The following ZBTB20 variants were observed in gnomAD, a reference collection of about 807,000 sequenced individuals.
The protein encoded by ZBTB20 is zinc finger and BTB domain containing 20.
In ZBTB20, 9 loss-of-function variants were observed where a neutral mutation model predicts 56.9. That is an observed-to-expected ratio of 0.16 (90% CI 0.10 to 0.28). The LOEUF (loss-of-function observed/expected upper bound fraction) is 0.28. Ranked by LOEUF, ZBTB20 falls within the 10% of genes least tolerant of loss-of-function variation. ZBTB20 has a pLI of 1.00. For missense variants in ZBTB20, 655 were observed against 1,003.0 expected (o/e 0.65, Z 4.69); for synonymous variants, 417 against 420.7 (o/e 0.99, Z 0.11).
rs2079396002 is a variant in ZBTB20 at position 114,334,890 on chromosome 3, T to A, written c.*4115A>T. On this transcript the variant is annotated 3_prime_UTR_variant, in exon 12 of 12. Transcript: ENST00000675478. ...TGATACAGAGATTTTCATTTCAGAT[T>A]TTTTTTCTTTGCTTAGCTTGTTTCC... The A allele has an allele frequency of 6.6e-6, 1 of 152,178 alleles. No homozygotes were observed. The highest frequency in any genetic ancestry group is 1.5e-5 in the Non-Finnish European group (1 of 68,028). 9.4% of individuals were successfully genotyped at this position (152,178 alleles called of 1,614,324 possible). A position where few individuals can be genotyped will look rare whatever the true frequency, so the allele number is the denominator to read the frequency against.
chr3:115,016,019 G>C (rs1348322495), intron 2 of ZBTB20, among the ~76,000 whole-genome samples: 1 of 151,922 alleles, frequency 6.6e-6, no homozygotes, highest in African/African-American at 2.4e-5. Context: ...ATTCTGACTG[G>C]CATGAGATGG....
chr3:114,421,544 C>A (rs1040787333), intron 7 of ZBTB20, among the ~76,000 whole-genome samples: 4 of 152,126 alleles, frequency 2.6e-5, no homozygotes, highest in Non-Finnish European at 5.9e-5. Context: ...AGCCTAACAG[C>A]TTTTGAATCC....
At chr3:114,522,743 C>T (rs191808192) in intron 6 of ZBTB20, among the ~76,000 whole-genome samples, 42 of 152,204 alleles carry the variant, frequency 2.8e-4, no homozygotes, top group Non-Finnish European at 5.6e-4. Context: ...GAGAGAAATA[C>T]AGGTCTGGGA....
chr3:114,671,983 A>G lies in ZBTB20; in HGVS notation c.-295+21545T>C, dbSNP rs548891867. On this transcript the variant is annotated intron_variant, in intron 6 of 11. Transcript: ENST00000675478. Reference sequence around the variant, plus strand: ...AATCCCACAAGCGCCTCTAAACTCCACCATGGAATTCTCACACTTCTGAGT... The same window carrying G: ...AATCCCACAAGCGCCTCTAAACTCCGCCATGGAATTCTCACACTTCTGAGT... Among the ~76,000 whole-genome samples, 82 of 152,312 alleles carry G rather than the reference A, an allele frequency of 5.4e-4. 2 individuals carry two copies. The South Asian group carries it at 0.016, about 30-fold the overall frequency.
At chr3:114,843,704 TCTCA>T (rs1400028297) in intron 4 of ZBTB20, among the ~76,000 whole-genome samples, 1 of 151,658 alleles carries the variant, frequency 6.6e-6, no homozygotes, top group African/African-American at 2.4e-5. Flanking sequence ...TGAGACGGAG[TCTCA>T]CTCTGTCGCC....
At chr3:115,069,245 T>C (rs1258379234) in intron 2 of ZBTB20, among the ~76,000 whole-genome samples, 2 of 152,188 alleles carry the variant, frequency 1.3e-5, no homozygotes, top group Admixed American at 6.6e-5. Context: ...AGTGTTCTAC[T>C]ACCACACAAC....
In ZBTB20 at chr3:114,317,612, G is replaced by C. The variant is rs1352948959; in HGVS notation, c.*21393C>G. ...AAATGTTTGTGTTCAATGTTTAGGG[G>C]GAATGTGTTAAACAAAAGTTACTTC... On this transcript the variant is annotated 3_prime_UTR_variant, in exon 12 of 12. Transcript: ENST00000675478. The C allele has an allele frequency of 6.6e-6, 1 of 152,098 alleles. No individual in the cohort carries two copies. Among genetic ancestry groups the C allele is most frequent in the Non-Finnish European group, 1.5e-5 (1 of 68,016 alleles). 9.4% of individuals were successfully genotyped at this position (152,098 alleles called of 1,614,324 possible). A position where few individuals can be genotyped will look rare whatever the true frequency, so the allele number is the denominator to read the frequency against.
chr3:114,481,912 C>T (rs1417035192), intron 7 of ZBTB20, among the ~76,000 whole-genome samples: 9 of 152,158 alleles, frequency 5.9e-5, no homozygotes, highest in African/African-American at 2.2e-4. Context: ...AAATCTCTGG[C>T]CTATGCCTTC....
intron 7 of ZBTB20, among the ~76,000 whole-genome samples, chr3:114,398,102 C>CT (rs1055070161): frequency 1.5e-4 from 23 of 152,064 alleles, no homozygotes; most frequent in African/African-American, 5.3e-4. Context: ...TTATATAGGA[C>CT]TTTTTTCTCC....
At chr3:114,914,920 C>T (rs940110241) in intron 3 of ZBTB20, among the ~76,000 whole-genome samples, 1 of 151,740 alleles carries the variant, frequency 6.6e-6, no homozygotes, top group Non-Finnish European at 1.5e-5. Flanking sequence ...GGATAAATTC[C>T]ACTTGGTCAT....
intron 7 of ZBTB20, among the ~76,000 whole-genome samples, chr3:114,401,656 A>G (rs2086836581): frequency 6.6e-6 from 1 of 151,932 alleles, no homozygotes; most frequent in South Asian, 2.1e-4. Context: ...GAGGACTTAC[A>G]TTTTTCCCAT....
intron 4 of ZBTB20, among the ~76,000 whole-genome samples, chr3:114,851,531 T>A (rs933826632): frequency 6.6e-6 from 1 of 152,112 alleles, no homozygotes; most frequent in African/African-American, 2.4e-5. Flanking sequence ...GTATTTCCAA[T>A]TTTGTGCATT....
chr3:114,891,381 C>G (rs1316767468), intron 4 of ZBTB20, among the ~76,000 whole-genome samples: 1 of 152,166 alleles, frequency 6.6e-6, no homozygotes, highest in Non-Finnish European at 1.5e-5. Context: ...TTTAAAAAAC[C>G]TGTATCATGT....
intron 6 of ZBTB20, among the ~76,000 whole-genome samples, chr3:114,652,727 T>C (rs893595441): frequency 1.3e-5 from 2 of 152,004 alleles, no homozygotes; most frequent in Admixed American, 6.6e-5. Context: ...AAAAACAAGA[T>C]GTTGATATTT....
At chr3:114,433,186 A>G (rs116361651) in intron 7 of ZBTB20, among the ~76,000 whole-genome samples, 1 of 152,320 alleles carries the variant, frequency 6.6e-6, no homozygotes, top group African/African-American at 2.4e-5. Flanking sequence ...AGCCTGATAA[A>G]GAGGCCAAGT....
intron 7 of ZBTB20, among the ~76,000 whole-genome samples, chr3:114,393,643 T>A (rs867202521): frequency 2.0e-5 from 3 of 152,190 alleles, no homozygotes; most frequent in Non-Finnish European, 1.5e-5. Flanking sequence ...AATGACTTCA[T>A]GGGGTTTCAC....
chr3:115,030,523 T>C (rs1262659377), intron 2 of ZBTB20, among the ~76,000 whole-genome samples: 1 of 151,198 alleles, frequency 6.6e-6, no homozygotes, highest in East Asian at 1.9e-4. Context: ...CATTCGAAAA[T>C]ATTGGTTTGA....
chr3:114,539,694 G>A (rs555294916), intron 6 of ZBTB20, among the ~76,000 whole-genome samples: 12 of 152,012 alleles, frequency 7.9e-5, no homozygotes, highest in South Asian at 6.2e-4. Context: ...ATTATCACTC[G>A]TGTCATATTC....
chr3:114,947,073 T>C (rs1276463001), intron 3 of ZBTB20, among the ~76,000 whole-genome samples: 1 of 145,290 alleles, frequency 6.9e-6, no homozygotes, highest in Non-Finnish European at 1.5e-5. Flanking sequence ...TCAACATCAC[T>C]AATCAAAGAA....
Sources: gnomAD v4.1 joint callset for allele counts (sites outside exome capture counted in the v4.1 genomes callset) on GRCh38, gnomAD v4.1.1 for gene constraint, MANE v1.5 for transcripts, NCBI Gene and HGNC (gene_info 2026-07-23, HGNC 2026-07-21) for gene names.